The following DLGAP1 variants were observed in gnomAD, a reference collection of about 807,000 sequenced individuals.
DLGAP1 encodes DLG associated protein 1.
DLGAP1 carries 11 observed loss-of-function variants against 90.8 expected under a neutral mutation model. That is an observed-to-expected ratio of 0.12 (90% confidence interval 0.08 to 0.20). DLGAP1 has a LOEUF of 0.20. Ranked by LOEUF, DLGAP1 falls within the 10% of genes least tolerant of loss-of-function variation. The pLI, the probability that DLGAP1 is intolerant of heterozygous loss-of-function variation, is 1.00. For synonymous variants in DLGAP1, 558 were observed against 540.7 expected (o/e 1.03, Z -0.44); for missense variants, 1,050 against 1,333.8 (o/e 0.79, Z 3.31).
chr18:3,558,398 A>AT (rs2053881596), intron 9 of DLGAP1, among the ~76,000 whole-genome samples: 1 of 151,920 alleles, frequency 6.6e-6, no homozygotes, highest in Non-Finnish European at 1.5e-5. Flanking sequence ...ACACCCGGCT[A>AT]TTTTTTGTAT....
chr18:4,261,323 AG>A (rs1317335131), intron 1 of DLGAP1, among the ~76,000 whole-genome samples: 48 of 126,464 alleles, frequency 3.8e-4, no homozygotes, highest in Admixed American at 7.1e-4. Context: ...CACAGCCTCC[AG>A]TGACCTGGCT....
At chr18:4,133,810 G>T (rs1254341890) in intron 2 of DLGAP1, among the ~76,000 whole-genome samples, 1 of 152,114 alleles carries the variant, frequency 6.6e-6, no homozygotes, top group Non-Finnish European at 1.5e-5. Flanking sequence ...TGAAGTTCGT[G>T]GGTGAGGCAC....
At chr18:3,617,039 C>G (rs2057900046) in intron 7 of DLGAP1, among the ~76,000 whole-genome samples, 1 of 152,100 alleles carries the variant, frequency 6.6e-6, no homozygotes, top group Admixed American at 6.6e-5. Context: ...TCAGCCAGCC[C>G]CACTTGCTCC....
At chr18:3,609,877 G>A (rs1484912003) in intron 7 of DLGAP1, among the ~76,000 whole-genome samples, 3 of 146,254 alleles carry the variant, frequency 2.1e-5, no homozygotes, top group African/African-American at 2.5e-5. Flanking sequence ...GGCCAACACG[G>A]TGAAACCCTG....
chr18:4,177,334 T>C (rs1006364642), intron 1 of DLGAP1, among the ~76,000 whole-genome samples: 45 of 148,208 alleles, frequency 3.0e-4, no homozygotes, highest in Admixed American at 1.3e-3. Context: ...CTAATACATA[T>C]GCCTTGACTT....
At chr18:3,527,288 C>G (rs1349082749) in intron 10 of DLGAP1, among the ~76,000 whole-genome samples, 1 of 151,868 alleles carries the variant, frequency 6.6e-6, no homozygotes, top group Non-Finnish European at 1.5e-5. Context: ...AACTAAATAA[C>G]TATTTAAAAT....
intron 1 of DLGAP1, among the ~76,000 whole-genome samples, chr18:4,219,938 G>C (rs1190288920): frequency 1.3e-5 from 2 of 151,874 alleles, no homozygotes; most frequent in Admixed American, 6.6e-5. Flanking sequence ...TGTTCTTTTT[G>C]CTCAAGATTG....
chr18:4,006,603 T>C (rs989031164), intron 2 of DLGAP1, among the ~76,000 whole-genome samples: 3 of 151,838 alleles, frequency 2.0e-5, no homozygotes, highest in Non-Finnish European at 4.4e-5. Context: ...TTGAGTTATG[T>C]GTCCCTGGGA....
chr18:4,221,475 T>C (rs576961389), intron 1 of DLGAP1, among the ~76,000 whole-genome samples: 1 of 152,126 alleles, frequency 6.6e-6, no homozygotes, highest in Admixed American at 6.6e-5. Context: ...AAAATATATA[T>C]GAAAGTTATG....
intron 3 of DLGAP1, among the ~76,000 whole-genome samples, chr18:3,944,704 T>C (rs2072842361): frequency 6.6e-6 from 1 of 152,218 alleles, no homozygotes; most frequent in South Asian, 2.1e-4. Context: ...CTGTGGAAAG[T>C]ATATTTATTC....
At chr18:4,216,016 A>G (rs117656622) in intron 1 of DLGAP1, among the ~76,000 whole-genome samples, 245 of 152,288 alleles carry the variant, frequency 1.6e-3, no homozygotes, top group Non-Finnish European at 2.6e-3. Context: ...TAAATGTATT[A>G]GTCCATTCTC....
chr18:4,104,712 CTCTG>C (rs1455199691), intron 2 of DLGAP1, among the ~76,000 whole-genome samples: 1 of 152,122 alleles, frequency 6.6e-6, no homozygotes, highest in African/African-American at 2.4e-5. Context: ...TCTTCTCTGT[CTCTG>C]TCTCTCTCTT....
intron 1 of DLGAP1, among the ~76,000 whole-genome samples, chr18:4,270,594 G>T (rs891468084): frequency 6.6e-6 from 1 of 152,000 alleles, no homozygotes; most frequent in Non-Finnish European, 1.5e-5. Context: ...TGAAGAGGAG[G>T]CTTTATTGAA....
chr18:4,061,335 A>C (rs572059445), intron 2 of DLGAP1, among the ~76,000 whole-genome samples: 135 of 152,096 alleles, frequency 8.9e-4, no homozygotes, highest in African/African-American at 3.2e-3. Flanking sequence ...AGATAGGATA[A>C]AGCTGAAGGT....
chr18:4,377,566 A>C (rs1327690566), intron 1 of DLGAP1, among the ~76,000 whole-genome samples: 1 of 152,186 alleles, frequency 6.6e-6, no homozygotes, highest in African/African-American at 2.4e-5. Context: ...CTCCTTAGGA[A>C]TTTTAAATTA....
intron 3 of DLGAP1, among the ~76,000 whole-genome samples, chr18:3,948,416 T>G (rs1267874807): frequency 6.6e-6 from 1 of 152,138 alleles, no homozygotes; most frequent in African/African-American, 2.4e-5. Context: ...CACCTGCTGT[T>G]AGGGTTTCAC....
At chr18:3,778,003 T>A (rs1035784845) in intron 5 of DLGAP1, among the ~76,000 whole-genome samples, 1 of 152,182 alleles carries the variant, frequency 6.6e-6, no homozygotes, top group African/African-American at 2.4e-5. Context: ...TGTTCTTCTG[T>A]TTTTGCTTTT....
chr18:4,300,818 G>A (rs1367255605), intron 1 of DLGAP1, among the ~76,000 whole-genome samples: 2 of 152,024 alleles, frequency 1.3e-5, no homozygotes, highest in African/African-American at 2.4e-5. Flanking sequence ...GCACACCAAG[G>A]GCTTTCTGCC....
chr18:4,017,555 T>C (rs1016398339), intron 2 of DLGAP1, among the ~76,000 whole-genome samples: 2 of 152,174 alleles, frequency 1.3e-5, no homozygotes, highest in African/African-American at 4.8e-5. Flanking sequence ...CAAATAAACA[T>C]CAGTAAACAA....
Sources: gnomAD v4.1 joint callset for allele counts (sites outside exome capture counted in the v4.1 genomes callset) on GRCh38, gnomAD v4.1.1 for gene constraint, MANE v1.5 for transcripts, NCBI Gene and HGNC (gene_info 2026-07-23, HGNC 2026-07-21) for gene names.